The following MARK1 variants were observed in gnomAD, a reference collection of about 807,000 sequenced individuals.
The protein encoded by MARK1 is serine/threonine-protein kinase MARK1.
In MARK1, 40 loss-of-function variants were observed where a neutral mutation model predicts 96.3. The observed-to-expected ratio is 0.42, with a 90% CI of 0.32 to 0.54. The LOEUF is 0.54. Among genes scored for constraint, MARK1 ranks in the 20% least tolerant of loss-of-function variants. The pLI is 0.16. For missense variants in MARK1, 719 were observed against 984.6 expected, an observed-to-expected ratio of 0.73 and a Z score of 3.61; for synonymous variants, 317 against 341.2, an observed-to-expected ratio of 0.93 and a Z score of 0.78.
At chr1:220,567,835 A>G (rs1663164847) in intron 1 of MARK1, among the ~76,000 whole-genome samples, 1 of 152,218 alleles carries the variant, frequency 6.6e-6, no homozygotes, top group Non-Finnish European at 1.5e-5. Flanking sequence ...CATAGGCACT[A>G]TTTGATACTA....
intron 3 of MARK1, among the ~76,000 whole-genome samples, chr1:220,590,727 A>G (rs569511958): frequency 8.3e-4 from 127 of 152,156 alleles, no homozygotes; most frequent in Non-Finnish European, 1.5e-3. Flanking sequence ...AAAACATCCT[A>G]ATGTTCCTTC....
At chr1:220,635,275 G>A (rs1279576751) in intron 11 of MARK1, 101 bp from the exon 12 acceptor site, 6 of 1,150,544 alleles carry the variant, frequency 5.2e-6, no homozygotes, top group Admixed American at 6.2e-5. Flanking sequence ...ATTACTTCTT[G>A]TATAGCTTTA....
chr1:220,581,951 C>T (rs1159507697), intron 3 of MARK1, among the ~76,000 whole-genome samples: 1 of 152,132 alleles, frequency 6.6e-6, no homozygotes, highest in African/African-American at 2.4e-5. Flanking sequence ...TACATTGTGA[C>T]TTTTATTAGA....
At chr1:220,530,559 A>G (rs187647873) in intron 1 of MARK1, among the ~76,000 whole-genome samples, 14 of 152,312 alleles carry the variant, frequency 9.2e-5, no homozygotes, top group Admixed American at 9.2e-4. Context: ...TAGATTTTGA[A>G]TAGTATAGCT....
At chr1:220,542,820 A>C (rs1040261772) in intron 1 of MARK1, among the ~76,000 whole-genome samples, 2 of 152,154 alleles carry the variant, frequency 1.3e-5, no homozygotes, top group Admixed American at 1.3e-4. Context: ...TTATGATATC[A>C]TGCCTACTGC....
intron 5 of MARK1, among the ~76,000 whole-genome samples, chr1:220,603,813 C>G (rs1342777664): frequency 6.6e-6 from 1 of 151,948 alleles, no homozygotes; most frequent in Non-Finnish European, 1.5e-5. Context: ...AAGCAGAAAG[C>G]AAGTTTTCTT....
At chr1:220,538,772 G>A (rs1209966923) in intron 1 of MARK1, among the ~76,000 whole-genome samples, 1 of 152,132 alleles carries the variant, frequency 6.6e-6, no homozygotes, top group Non-Finnish European at 1.5e-5. Context: ...AGTTCTTGAA[G>A]AGGTCCTTCA....
At chr1:220,535,453 C>A (rs1023431296) in intron 1 of MARK1, among the ~76,000 whole-genome samples, 1 of 151,990 alleles carries the variant, frequency 6.6e-6, no homozygotes, top group Non-Finnish European at 1.5e-5. Context: ...TATAGTTTTG[C>A]TCATACTGTA....
intron 9 of MARK1, chr1:220,626,081 G>A: frequency 1.7e-6 from 1 of 596,786 alleles, no homozygotes; most frequent in Admixed American, 1.9e-5. Flanking sequence ...TCTACTGGTG[G>A]CTCTCTGGCA....
chr1:220,576,081 C>T (rs970030587), intron 1 of MARK1, among the ~76,000 whole-genome samples: 1 of 147,730 alleles, frequency 6.8e-6, no homozygotes, highest in Non-Finnish European at 1.5e-5. Context: ...TCCAATTGTT[C>T]ATAAGTTTTT....
In MARK1 at chr1:220,653,225, G is replaced by C; in HGVS notation, c.1861G>C (p.Glu621Gln). 2 of 1,614,200 alleles carry C rather than the reference G, an allele frequency of 1.2e-6. No homozygotes were observed. The highest frequency in any genetic ancestry group is 1.7e-6 in the Non-Finnish European group (2 of 1,180,040). The change falls in exon 16 of 18, where the codon GAG becomes CAG. Residue 621 changes from glutamate to glutamine, a missense_variant. Glu to Gln is a conservative substitution (Grantham distance 29). Transcript: ENST00000366917. ...CACTTTCCATGGTGAACAGCTCCGG[G>C]AGCGACGCAGCGTTGCTTATAATGG... Reference protein sequence around the residue: ...RSTFHGEQLRERRSVAYNGPP... With the variant: ...RSTFHGEQLRQRRSVAYNGPP...
chr1:220,661,896 G>A lies in MARK1; in HGVS notation c.2118G>A (p.Met706Ile). The change falls in exon 18 of 18, where the codon ATG becomes ATA. Residue 706 changes from methionine (M) to isoleucine (I), a missense_variant. Around this residue, in one of 4 missense-constraint regions of MARK1, gnomAD observed 501 missense variants for 588.3 expected, o/e 0.85. Transcript: ENST00000366917. The part of the protein sequence containing the change: ...KPRSLRFTWS[M>I]KTTSSMDPND... ...GTTCTTTGCGGTTCACATGGAGTAT[G>A]AAGACCACTAGTTCAATGGACCCTA... 6.2e-7 allele frequency: 1 copy of A among 1,614,204 alleles called. No homozygotes were observed. Among genetic ancestry groups the A allele is most frequent in the Non-Finnish European group, 8.5e-7 (1 of 1,180,030 alleles).
At chr1:220,617,643 A>T in intron 7 of MARK1, among the ~76,000 whole-genome samples, 1 of 152,218 alleles carries the variant, frequency 6.6e-6, no homozygotes, top group East Asian at 1.9e-4. Context: ...CCATCTCAAA[A>T]CGTGGAAAAT....
intron 13 of MARK1, among the ~76,000 whole-genome samples, chr1:220,648,896 C>T (rs981252467): frequency 6.6e-6 from 1 of 152,042 alleles, no homozygotes; most frequent in Non-Finnish European, 1.5e-5. Flanking sequence ...TTCAAATTTC[C>T]AGTTAATTTC....
chr1:220,608,496 A>G (rs138264630), intron 6 of MARK1, among the ~76,000 whole-genome samples: 1,721 of 152,102 alleles, frequency 0.011, 26 homozygotes, highest in African/African-American at 0.04. Flanking sequence ...TGATCTTTTC[A>G]AAAAACCAGC....
Position 220,528,367 on chromosome 1 carries a change from G to C in MARK1, c.-456G>C. ...GCCGTACACCTGAGGCGGAGAACGG[G>C]GCGCGGCGCGGGTGACGCTGTCAGG... On this transcript the variant is annotated 5_prime_UTR_variant, in exon 1 of 18. Coordinates refer to ENST00000366917, the MANE Select transcript of MARK1 (RefSeq NM_018650.5). The C allele has an allele frequency of 6.4e-6, 1 of 156,472 alleles. No homozygotes were observed. The highest frequency in any genetic ancestry group is 1.4e-5 in the Non-Finnish European group (1 of 71,076). The allele number at this position is 156,472 out of a possible 1,614,324, so 9.7% of individuals were successfully genotyped here.
chr1:220,579,437 C>G lies in MARK1; in HGVS notation c.135C>G (p.Asn45Lys), dbSNP rs1178624367. The stretch of plus-strand genomic sequence containing the variant: ...GACAGAACATCCCCCGGTGTAGAAA[C>G]TCCATTACGTCAGCAACAGATGAAC... Reference protein sequence around the residue: ...SSRQNIPRCRNSITSATDEQP... With the variant: ...SSRQNIPRCRKSITSATDEQP... Residue 45 changes from asparagine (N) to lysine (K), a missense_variant, in exon 2 of 18, where the codon AAC becomes AAG. By Grantham distance (94) the Asn-to-Lys change is moderately conservative. Coordinates refer to ENST00000366917, the MANE Select transcript of MARK1 (RefSeq NM_018650.5). 1 of 1,614,024 alleles carries G rather than the reference C, an allele frequency of 6.2e-7. No individual in the cohort carries two copies. Among genetic ancestry groups the G allele is most frequent in the Non-Finnish European group, 8.5e-7 (1 of 1,179,950 alleles).
In MARK1 at chr1:220,662,975, C is replaced by T. The variant is rs546877986; in HGVS notation, c.*809C>T. ...AAGAAAAAAAACATACTTTATCTGG[C>T]TATTATAACATAAACTGTCACGTAG... On this transcript the variant is annotated 3_prime_UTR_variant, in exon 18 of 18. Coordinates refer to ENST00000366917, the MANE Select transcript of MARK1 (RefSeq NM_018650.5). 111 of 152,752 alleles carry T rather than the reference C, an allele frequency of 7.3e-4. No homozygotes were observed. Among genetic ancestry groups the T allele is most frequent in the African/African-American group, 2.6e-3 (107 of 41,576 alleles). The allele number at this position is 152,752 out of a possible 1,614,324, so 9.5% of individuals were successfully genotyped here. A position where few individuals can be genotyped will look rare whatever the true frequency, so the allele number is the denominator to read the frequency against.
intron 5 of MARK1, among the ~76,000 whole-genome samples, chr1:220,601,321 T>G (rs1318071991): frequency 1.3e-5 from 2 of 151,794 alleles, no homozygotes; most frequent in African/African-American, 4.8e-5. Context: ...TTGCAAAACT[T>G]TTGTCACCTG....
Sources: gnomAD v4.1 joint callset for allele counts (sites outside exome capture counted in the v4.1 genomes callset) on GRCh38, gnomAD v4.1.1 for gene constraint, gnomAD v4.1.1 regional missense constraint, MANE v1.5 for transcripts, NCBI Gene and HGNC (gene_info 2026-07-23, HGNC 2026-07-21) for gene names.